Variants in ANKRD24 observed in about 807,000 individuals in gnomAD.
ANKRD24 encodes the protein ankyrin repeat domain 24, also known as ankyrin repeat domain-containing protein 24.
Under a neutral mutation model 127.8 loss-of-function variants are expected in ANKRD24, and 109 were observed. The ratio of observed to expected loss-of-function variants is 0.85; its 90% CI spans 0.73 to 1.00. The LOEUF is 1.00. Ranked by LOEUF, ANKRD24 falls within the 50% of genes least tolerant of loss-of-function variation. ANKRD24 has a pLI of 0.00. For missense variants in ANKRD24, 1,648 were observed against 1,570.2 expected (o/e 1.05, Z -0.84); for synonymous variants, 743 against 671.1 (o/e 1.11, Z -1.66).
chr19:4,217,373 A>G lies in ANKRD24; in HGVS notation c.2213A>G (p.Gln738Arg), dbSNP rs1164395121. The G allele has an allele frequency of 6.4e-7, 1 of 1,550,720 alleles. No homozygotes were observed. The highest frequency in any genetic ancestry group is 2.4e-5 in the East Asian group (1 of 40,922). ...CGTGGCTTGGAGGAGGCTCTCCGGCAGCGGGAGCGGGAGGCAGCTGCGGAG... is the reference window on the plus strand; with the variant it reads ...CGTGGCTTGGAGGAGGCTCTCCGGCGGCGGGAGCGGGAGGCAGCTGCGGAG... Reference protein sequence around the residue: ...RIRGLEEALRQREREAAAELE... With the variant: ...RIRGLEEALRRREREAAAELE... Residue 738 changes from glutamine to arginine, a missense_variant, in exon 18 of 22, where the codon CAG becomes CGG. Coordinates refer to ENST00000318934, the MANE Select transcript of ANKRD24 (RefSeq NM_001393985.1).
At position 4,186,370 on chromosome 19, in the gene ANKRD24, C is replaced by T; in HGVS notation, c.-36-20C>T. 6.4e-7 allele frequency: 1 copy of T among 1,559,200 alleles called. No homozygotes were observed. Among genetic ancestry groups the T allele is most frequent in the Non-Finnish European group, 8.7e-7 (1 of 1,151,768 alleles). On this transcript the variant is annotated intron_variant, in intron 1 of 21. Transcript: ENST00000318934. ...CAGGACTGGTGTCCCTCACCTTACC[C>T]CCACCCTTGCCCTCCTCAGGTGGCC...
rs1367895770 is a variant in ANKRD24 at position 4,195,701 on chromosome 19, C to T, written c.37-3982C>T. ...TCACGAGGTCAGAGTTCAAGACCAGCCTGGCCAACATGACAAAACCCCGTC... is the reference window on the plus strand; with the variant it reads ...TCACGAGGTCAGAGTTCAAGACCAGTCTGGCCAACATGACAAAACCCCGTC... On this transcript the variant is annotated intron_variant, in intron 2 of 21. Transcript: ENST00000318934. This position sits in a 1 kb window ranked among gnomAD's most constrained non-coding sequence, Gnocchi z 4.2. 6.6e-6 allele frequency among the ~76,000 whole-genome samples: 1 copy of T among 152,118 alleles called. No homozygotes were observed. Among genetic ancestry groups the T allele is most frequent in the African/African-American group, 2.4e-5 (1 of 41,418 alleles).
intron 18 of ANKRD24, among the ~76,000 whole-genome samples, chr19:4,218,492 A>G (rs1008845596): frequency 1.1e-4 from 16 of 151,200 alleles, no homozygotes; most frequent in Admixed American, 9.3e-4. Flanking sequence ...TAGAGATGGG[A>G]GTTCACCGTG....
intron 20 of ANKRD24, among the ~76,000 whole-genome samples, chr19:4,223,481 A>G (rs557462814): frequency 1.1e-4 from 16 of 145,338 alleles, no homozygotes; most frequent in African/African-American, 3.6e-4. Context: ...GCTCACTGCA[A>G]CCTCTGCCTC....
intron 1 of ANKRD24, among the ~76,000 whole-genome samples, chr19:4,186,036 G>T (rs1361079847): frequency 6.6e-6 from 1 of 152,148 alleles, no homozygotes; most frequent in African/African-American, 2.4e-5. Context: ...AAAGTTAGGA[G>T]ACCAGAAAAG....
intron 2 of ANKRD24, among the ~76,000 whole-genome samples, chr19:4,196,438 C>T (rs560412580): frequency 1.3e-5 from 2 of 152,206 alleles, no homozygotes; most frequent in Non-Finnish European, 2.9e-5. Flanking sequence ...TGCAGTGACG[C>T]GATCTCGGCT....
chr19:4,213,237 C>T (rs1263199250), intron 15 of ANKRD24, among the ~76,000 whole-genome samples: 1 of 93,616 alleles, frequency 1.1e-5, no homozygotes, highest in African/African-American at 4.3e-5. Flanking sequence ...TTCCTTCCCT[C>T]CCTCCTTCCT....
chr19:4,200,579 C>G (rs115090939), intron 5 of ANKRD24, among the ~76,000 whole-genome samples: 6,459 of 152,020 alleles, frequency 0.042, 375 homozygotes, highest in African/African-American at 0.13. Flanking sequence ...AGTGCAGTGG[C>G]CATGATCTCA....
At chr19:4,194,683 G>T (rs955791276) in intron 2 of ANKRD24, among the ~76,000 whole-genome samples, 2 of 152,106 alleles carry the variant, frequency 1.3e-5, no homozygotes, top group Non-Finnish European at 2.9e-5. Flanking sequence ...GCTGCCTCTG[G>T]CTGCTGGGGG....
intron 20 of ANKRD24, among the ~76,000 whole-genome samples, chr19:4,223,372 C>CACAT (rs1555721528): frequency 4.1e-5 from 3 of 72,918 alleles, no homozygotes; most frequent in Non-Finnish European, 7.0e-5. Flanking sequence ...CCTGGCCATA[C>CACAT]ATATATATAT....
At chr19:4,184,613 C>G (rs543381364) in intron 1 of ANKRD24, among the ~76,000 whole-genome samples, 69 of 152,338 alleles carry the variant, frequency 4.5e-4, no homozygotes, top group African/African-American at 1.5e-3. Flanking sequence ...TCTCCCTCCC[C>G]CAAGCCCACG....
intron 18 of ANKRD24, 110 bp from the exon 19 acceptor site, chr19:4,219,481 A>T (rs1224938154): frequency 2.4e-5 from 31 of 1,307,956 alleles, no homozygotes; most frequent in South Asian, 1.4e-4. Flanking sequence ...ACCCTGTCTT[A>T]AAAAAAATCC....
intron 13 of ANKRD24, among the ~76,000 whole-genome samples, chr19:4,212,199 C>CA (rs969813416): frequency 5.4e-5 from 8 of 148,304 alleles, no homozygotes; most frequent in Admixed American, 2.0e-4. Flanking sequence ...GATTCCATCT[C>CA]AAAAAAAAAG....
chr19:4,210,322 C>A lies in ANKRD24; in HGVS notation c.1009C>A (p.Leu337Met). ...GCTGCGGCAGGAGAGGGGCCGCCTC[C>A]TGCAGAAGATCCGGGGCCTGGAACA... ...VRLRQERGRLLQKIRGLEQHK... is the reference protein window; with the variant it reads ...VRLRQERGRLMQKIRGLEQHK... Residue 337 changes from leucine to methionine, a missense_variant, in exon 13 of 22, where the codon CTG (leucine) becomes ATG (methionine). Coordinates refer to ENST00000318934, the MANE Select transcript of ANKRD24 (RefSeq NM_001393985.1). 1 of 1,581,710 alleles carries A rather than the reference C, an allele frequency of 6.3e-7. No individual in the cohort carries two copies. Among genetic ancestry groups the A allele is most frequent in the Non-Finnish European group, 8.6e-7 (1 of 1,164,674 alleles).
chr19:4,219,276 ACT>A (rs1421221232), intron 18 of ANKRD24, among the ~76,000 whole-genome samples: 1 of 145,154 alleles, frequency 6.9e-6, no homozygotes, highest in Non-Finnish European at 1.5e-5. Context: ...ACAGAGCAAG[ACT>A]CTGTCTCAAA....
At chr19:4,186,357 C>T (rs1968061995) in intron 1 of ANKRD24, 33 bp from the exon 2 acceptor site, 1 of 1,553,578 alleles carries the variant, frequency 6.4e-7, no homozygotes, top group Admixed American at 2.0e-5. Flanking sequence ...GGACTGGTGT[C>T]CCTCACCTTA....
intron 20 of ANKRD24, among the ~76,000 whole-genome samples, chr19:4,223,235 C>T (rs1045400019): frequency 5.3e-5 from 8 of 151,142 alleles, no homozygotes; most frequent in African/African-American, 1.7e-4. Flanking sequence ...TCCTGGCCGC[C>T]CTCTGCCTTT....
In ANKRD24 at chr19:4,216,820, A is replaced by T. The variant is rs780999959; in HGVS notation, c.1660A>T (p.Thr554Ser). The T allele has an allele frequency of 2.5e-6, 4 of 1,607,522 alleles. No individual in the cohort carries two copies. The African/African-American group carries it at 5.3e-5, about 21-fold the overall frequency. ...GCTAAATGGCTCAGTGGCTCCAGAA[A>T]CCAAAGTTAACGGAGCCGAGACCAT... Reference protein sequence around the residue: ...MELNGSVAPETKVNGAETIDE... With the variant: ...MELNGSVAPESKVNGAETIDE... The change falls in exon 18 of 22, where the codon ACC becomes TCC. Residue 554 changes from threonine (T) to serine (S), a missense_variant. Transcript: ENST00000318934.
Position 4,192,448 on chromosome 19 carries a change from C to T in ANKRD24, c.36+5987C>T, listed in dbSNP as rs542582952. Reference sequence around the variant, plus strand: ...CTGGTCTTGAACTCCTGGCCTCAAGCGATCCTCCCGCCTTAGCCTCCCAAA... The same window carrying T: ...CTGGTCTTGAACTCCTGGCCTCAAGTGATCCTCCCGCCTTAGCCTCCCAAA... On this transcript the variant is annotated intron_variant, in intron 2 of 21. Transcript: ENST00000318934. Among the ~76,000 whole-genome samples the T allele has an allele frequency of 4.1e-5, 6 of 145,688 alleles. No homozygotes were observed. The East Asian group carries it at 6.5e-4, about 16-fold the overall frequency.
Sources: gnomAD v4.1 joint callset for allele counts (sites outside exome capture counted in the v4.1 genomes callset) on GRCh38, gnomAD v4.1.1 for gene constraint, Gnocchi (gnomAD v3.1) non-coding constraint, MANE v1.5 for transcripts, NCBI Gene and HGNC (gene_info 2026-07-23, HGNC 2026-07-21) for gene names.